The following LRRC19 variants were observed in gnomAD, a reference collection of about 807,000 sequenced individuals.
LRRC19 encodes leucine-rich repeat-containing protein 19.
In LRRC19, 33 loss-of-function variants were observed where a neutral mutation model predicts 33.3. The ratio of observed to expected loss-of-function variants is 0.99; its 90% CI spans 0.75 to 1.33. LRRC19 has a LOEUF of 1.33. LRRC19 is among the 40% of genes most tolerant of loss of function. LRRC19 has a pLI of 0.00. For synonymous variants in LRRC19, 184 were observed against 152.3 expected, an observed-to-expected ratio of 1.21 and a Z score of -1.53; for missense variants, 463 against 417.3, an observed-to-expected ratio of 1.11 and a Z score of -0.95.
chr9:27,003,086 A>T (rs1828585461), intron 1 of LRRC19, among the ~76,000 whole-genome samples: 1 of 151,958 alleles, frequency 6.6e-6, no homozygotes, highest in Admixed American at 6.6e-5. Context: ...TCTTTTTCAG[A>T]TTCTTCACTG....
intron 1 of LRRC19, among the ~76,000 whole-genome samples, chr9:27,000,937 A>T (rs1828450594): frequency 6.6e-6 from 1 of 152,128 alleles, no homozygotes; most frequent in South Asian, 2.1e-4. Context: ...TGCATTAATA[A>T]ACTTTTCTGC....
chr9:26,996,969 G>T (rs1828189138), intron 3 of LRRC19, among the ~76,000 whole-genome samples: 1 of 152,172 alleles, frequency 6.6e-6, no homozygotes, highest in Non-Finnish European at 1.5e-5. Context: ...CCAGCACTTT[G>T]GGAGGCCGAG....
rs1313731861 is a variant in LRRC19 at position 26,993,613 on chromosome 9, A to G, written c.*1908T>C. The stretch of plus-strand genomic sequence containing the variant: ...TTATGACATAGATCTATTTTATTTT[A>G]GCCTCTTTTTTCTAAGGAATTGTCA... On this transcript the variant is annotated 3_prime_UTR_variant, in exon 5 of 5. Transcript: ENST00000380055. 1 of 152,386 alleles carries G rather than the reference A, an allele frequency of 6.6e-6. No homozygotes were observed. Among genetic ancestry groups the G allele is most frequent in the Non-Finnish European group, 1.5e-5 (1 of 68,012 alleles). The allele number at this position is 152,386 out of a possible 1,614,324, so 9.4% of individuals were successfully genotyped here.
In LRRC19 at chr9:26,995,314, A is replaced by G. The variant is rs1828084899; in HGVS notation, c.*207T>C. Reference sequence around the variant, plus strand: ...GTAGTGCTAGTATTGTAGACTATGTAACTGTCAACTACCGAGGAGTGTCAG... The same window carrying G: ...GTAGTGCTAGTATTGTAGACTATGTGACTGTCAACTACCGAGGAGTGTCAG... On this transcript the variant is annotated 3_prime_UTR_variant, in exon 5 of 5. Coordinates refer to ENST00000380055, the MANE Select transcript of LRRC19 (RefSeq NM_022901.3). The G allele has an allele frequency of 2.1e-6, 1 of 473,306 alleles. No homozygotes were observed. The highest frequency in any genetic ancestry group is 2.5e-5 in the South Asian group (1 of 40,256). 29.3% of individuals were successfully genotyped at this position (473,306 alleles called of 1,614,324 possible).
intron 1 of LRRC19, among the ~76,000 whole-genome samples, chr9:27,000,223 A>G (rs1291445910): frequency 6.6e-6 from 1 of 152,194 alleles, no homozygotes; most frequent in Non-Finnish European, 1.5e-5. Flanking sequence ...AGAGAAAATT[A>G]ATATTTTTAA....
intron 3 of LRRC19, 69 bp downstream of exon 3, chr9:26,997,659 T>C: frequency 6.8e-7 from 1 of 1,476,996 alleles, no homozygotes. Context: ...AAACGTGATA[T>C]GAGAGATTTT....
At position 27,005,592 on chromosome 9, in the gene LRRC19, C is replaced by CT. The variant is rs1200132623; in HGVS notation, c.-11dup. The CT allele has an allele frequency of 1.3e-5, 2 of 151,404 alleles. No homozygotes were observed. Among genetic ancestry groups the CT allele is most frequent in the African/African-American group, 4.9e-5 (2 of 41,228 alleles). 9.4% of individuals were successfully genotyped at this position (151,404 alleles called of 1,614,324 possible). ...AAAGCTATAAATATACATATCTTAC[C>CT]TTTTTTTCTTTTGTCTCTAAGACTT... On this transcript the variant is annotated splice_region_variant and 5_prime_UTR_variant, in exon 1 of 5. Transcript: ENST00000380055.
At chr9:27,002,526 G>A (rs965796839) in intron 1 of LRRC19, among the ~76,000 whole-genome samples, 5 of 152,186 alleles carry the variant, frequency 3.3e-5, no homozygotes, top group African/African-American at 1.2e-4. Flanking sequence ...AGTTTTTCTA[G>A]CACCATTTAT....
chr9:26,996,452 A>G lies in LRRC19; in HGVS notation c.643T>C (p.Tyr215His). The change falls in exon 4 of 5, where the codon TAC (tyrosine) becomes CAC (histidine). Residue 215 changes from tyrosine to histidine, a missense_variant. By Grantham distance (83) the Tyr-to-His change is moderately conservative (BLOSUM62 2). Coordinates refer to ENST00000380055, the MANE Select transcript of LRRC19 (RefSeq NM_022901.3). Reference protein sequence around the residue: ...MCSYPNSLQSYNIKTVPHKAE... With the variant: ...MCSYPNSLQSHNIKTVPHKAE... ...TTATGAGGTACTGTTTTGATATTGT[A>G]GCTCTGCAGGCTGTTGGGGTAGCTA... The G allele has an allele frequency of 3.8e-6, 6 of 1,560,368 alleles. No homozygotes were observed. The highest frequency in any genetic ancestry group is 1.4e-5 in the African/African-American group (1 of 73,978).
In LRRC19 at chr9:26,997,717, T is replaced by C. The variant is rs1307520907; in HGVS notation, c.595+11A>G. 15 of 1,576,056 alleles carry C rather than the reference T, an allele frequency of 9.5e-6. No individual in the cohort carries two copies. The highest frequency in any genetic ancestry group is 1.2e-5 in the Non-Finnish European group (14 of 1,166,242). Reference sequence around the variant, plus strand: ...ATCACATTTTGGTTTTGCTTAATTATGATAGCTTACCTAATGTCACATTTG... The same window carrying C: ...ATCACATTTTGGTTTTGCTTAATTACGATAGCTTACCTAATGTCACATTTG... On this transcript the variant is annotated intron_variant, in intron 3 of 4. Transcript: ENST00000380055.
At chr9:27,004,664 G>C (rs1395896570) in intron 1 of LRRC19, among the ~76,000 whole-genome samples, 4 of 152,122 alleles carry the variant, frequency 2.6e-5, no homozygotes, top group Admixed American at 6.5e-5. Context: ...GTCAGTCATT[G>C]TTGCTTTCTT....
In LRRC19 at chr9:26,998,347, A is replaced by G. The variant is rs12341712; in HGVS notation, c.82-106T>C. ...GACATTAGAAGGACGTTATTTTGGG[A>G]AAAAAACCTACTATCTAATATTTTG... On this transcript the variant is annotated intron_variant, in intron 2 of 4. Transcript: ENST00000380055. 1,835 of 627,434 alleles carry G rather than the reference A, an allele frequency of 2.9e-3. 26 individuals carry two copies. Among genetic ancestry groups the G allele is most frequent in the African/African-American group, 0.029 (1,525 of 52,814 alleles). The allele number at this position is 627,434 out of a possible 1,614,324, so 38.9% of individuals were successfully genotyped here. A position where few individuals can be genotyped will look rare whatever the true frequency, so the allele number is the denominator to read the frequency against.
chr9:26,998,015 T>C lies in LRRC19; in HGVS notation c.308A>G (p.Asn103Ser), dbSNP rs541374548. 8.7e-6 allele frequency: 14 copies of C among 1,613,894 alleles called. No homozygotes were observed. The South Asian group carries it at 9.9e-5, about 11-fold the overall frequency. ...FGNLSSLEIL[N>S]ICRNSIYVIQ... ...TACATAGATGGAGTTTCTACAGATA[T>C]TTAAAATTTCTAGACTGGAGAGGTT... Residue 103 changes from asparagine (N) to serine (S), a missense_variant, in exon 3 of 5, where the codon AAT becomes AGT. Transcript: ENST00000380055.
intron 1 of LRRC19, among the ~76,000 whole-genome samples, chr9:27,003,046 GC>G (rs1369472426): frequency 1.3e-5 from 2 of 151,954 alleles, no homozygotes; most frequent in Non-Finnish European, 2.9e-5. Context: ...ATTCTTTGTA[GC>G]TATCGTAAAC....
At chr9:27,002,451 CATT>C (rs1255683629) in intron 1 of LRRC19, among the ~76,000 whole-genome samples, 2 of 152,198 alleles carry the variant, frequency 1.3e-5, no homozygotes, top group Admixed American at 1.3e-4. Flanking sequence ...GTCTTTAATC[CATT>C]TTTATTCCTG....
chr9:26,999,257 G>C (rs1016801427), intron 2 of LRRC19, among the ~76,000 whole-genome samples: 7 of 152,112 alleles, frequency 4.6e-5, no homozygotes, highest in Non-Finnish European at 7.4e-5. Flanking sequence ...GTTTATTACT[G>C]TTTTTGCAGT....
chr9:27,004,661 A>T (rs1419576901), intron 1 of LRRC19, among the ~76,000 whole-genome samples: 1 of 152,174 alleles, frequency 6.6e-6, no homozygotes, highest in Non-Finnish European at 1.5e-5. Flanking sequence ...GAAGTCAGTC[A>T]TTGTTGCTTT....
chr9:26,996,637 G>C, intron 3 of LRRC19, 138 bp from the exon 4 acceptor site: 1 of 495,724 alleles, frequency 2.0e-6, no homozygotes, highest in African/African-American at 2.0e-5. Flanking sequence ...TATTTGTCTA[G>C]CAACATAATG....
At chr9:26,996,141 G>A (rs147369795) in intron 4 of LRRC19, among the ~76,000 whole-genome samples, 170 bp downstream of exon 4, 1 of 152,214 alleles carries the variant, frequency 6.6e-6, no homozygotes, top group Admixed American at 6.5e-5. Context: ...ATGGCATTTG[G>A]CTTGTAACTA....
Sources: gnomAD v4.1 joint callset for allele counts (sites outside exome capture counted in the v4.1 genomes callset) on GRCh38, gnomAD v4.1.1 for gene constraint, MANE v1.5 for transcripts, NCBI Gene and HGNC (gene_info 2026-07-23, HGNC 2026-07-21) for gene names.